The following PTPRD variants were observed in gnomAD, a reference collection of about 807,000 sequenced individuals.
PTPRD encodes the protein protein tyrosine phosphatase receptor type D.
Under a neutral mutation model 214.5 loss-of-function variants are expected in PTPRD, and 34 were observed. The observed-to-expected ratio is 0.16, with a 90% CI of 0.12 to 0.21. The LOEUF is 0.21. Ranked by LOEUF, PTPRD falls within the 10% of genes least tolerant of loss-of-function variation. PTPRD has a pLI of 1.00. For synonymous variants in PTPRD, 1,128 were observed against 845.7 expected (o/e 1.33, Z -5.79); for missense variants, 2,545 against 2,398.7 (o/e 1.06, Z -1.27).
At chr9:9,041,223 T>C (rs890645840) in intron 10 of PTPRD, among the ~76,000 whole-genome samples, 1 of 152,176 alleles carries the variant, frequency 6.6e-6, no homozygotes, top group African/African-American at 2.4e-5. Flanking sequence ...TCTTTAACTT[T>C]TATTTTAAGC....
At chr9:8,757,641 T>C (rs529358161) in intron 11 of PTPRD, among the ~76,000 whole-genome samples, 343 of 141,872 alleles carry the variant, frequency 2.4e-3, no homozygotes, top group African/African-American at 7.2e-3. Context: ...TATATATATA[T>C]ACATACATAT....
At chr9:8,683,707 C>G (rs2154374773) in intron 12 of PTPRD, among the ~76,000 whole-genome samples, 1 of 152,304 alleles carries the variant, frequency 6.6e-6, no homozygotes, top group East Asian at 1.9e-4. Flanking sequence ...AGGGTTGTGA[C>G]AGCACTGGCC....
rs1176159031 is a variant in PTPRD at position 9,467,588 on chromosome 9, C to CAAAAAAAAAAAAAAAAAAAAAAAAA, written c.-236-70107_-236-70106insTTTTTTTTTTTTTTTTTTTTTTTTT. Among the ~76,000 whole-genome samples the CAAAAAAAAAAAAAAAAAAAAAAAAA allele has an allele frequency of 3.0e-4, 17 of 55,954 alleles. 2 individuals carry two copies. Among genetic ancestry groups the CAAAAAAAAAAAAAAAAAAAAAAAAA allele is most frequent in the Middle Eastern group, 0.019 (1 of 52 alleles). 36.7% of individuals were successfully genotyped at this position (55,954 alleles called of 152,430 possible). A position where few individuals can be genotyped will look rare whatever the true frequency, so the allele number is the denominator to read the frequency against. ...GGCGACAGAGCGGGACTCCATCTCC[C>CAAAAAAAAAAAAAAAAAAAAAAAAA]AAAAAAAAAAAAAAAAAAAAAAGTT... is the stretch of plus-strand genomic sequence containing the variant. On this transcript the variant is annotated intron_variant, in intron 8 of 45. Coordinates refer to ENST00000381196, the MANE Select transcript of PTPRD (RefSeq NM_002839.4).
intron 3 of PTPRD, among the ~76,000 whole-genome samples, chr9:10,096,916 A>G (rs1028585790): frequency 2.6e-5 from 4 of 151,892 alleles, no homozygotes; most frequent in African/African-American, 9.7e-5. Flanking sequence ...TAATTTTTTT[A>G]AGATGTAAGG....
chr9:9,012,507 G>A (rs1354128146), intron 11 of PTPRD, among the ~76,000 whole-genome samples: 3 of 152,090 alleles, frequency 2.0e-5, no homozygotes, highest in African/African-American at 7.2e-5. Flanking sequence ...AGGGAGTTAT[G>A]TAGGCAAATT....
chr9:9,679,311 A>G (rs964077150), intron 7 of PTPRD, among the ~76,000 whole-genome samples: 1 of 151,808 alleles, frequency 6.6e-6, no homozygotes, highest in Non-Finnish European at 1.5e-5. Context: ...ATTGATCTAG[A>G]AATGTCTTAA....
At chr9:8,480,816 A>T (rs2096865873) in intron 30 of PTPRD, among the ~76,000 whole-genome samples, 1 of 152,142 alleles carries the variant, frequency 6.6e-6, no homozygotes, top group Non-Finnish European at 1.5e-5. Flanking sequence ...AAATTACACA[A>T]ATACTCCATT....
chr9:8,370,229 CACACACACAT>C (rs1301496285), intron 39 of PTPRD, among the ~76,000 whole-genome samples: 25 of 34,896 alleles, frequency 7.2e-4, no homozygotes, highest in Non-Finnish European at 8.4e-4. Flanking sequence ...CACACACACA[CACACACACAT>C]ATATATATAT....
chr9:8,876,061 T>G (rs1346325982), intron 11 of PTPRD, among the ~76,000 whole-genome samples: 1 of 152,220 alleles, frequency 6.6e-6, no homozygotes, highest in Non-Finnish European at 1.5e-5. Context: ...CCTTATCATA[T>G]CCTAACTGAT....
chr9:10,223,531 A>T (rs2099578365), intron 3 of PTPRD, among the ~76,000 whole-genome samples: 1 of 151,714 alleles, frequency 6.6e-6, no homozygotes, highest in Admixed American at 6.6e-5. Flanking sequence ...GGGTGTGGTG[A>T]TGTGGGCCTG....
chr9:10,016,077 T>A (rs775249878), intron 4 of PTPRD, among the ~76,000 whole-genome samples: 1 of 152,166 alleles, frequency 6.6e-6, no homozygotes, highest in East Asian at 1.9e-4. Context: ...CCTGGAAATA[T>A]ACTGGCTATC....
chr9:10,009,813 T>C (rs1041302711), intron 4 of PTPRD, among the ~76,000 whole-genome samples: 1 of 151,930 alleles, frequency 6.6e-6, no homozygotes, highest in Non-Finnish European at 1.5e-5. Context: ...CCTGTAAAGC[T>C]CTCGTGTAAC....
chr9:8,532,423 C>T (rs1170852653), intron 14 of PTPRD, among the ~76,000 whole-genome samples: 1 of 151,990 alleles, frequency 6.6e-6, no homozygotes, highest in Non-Finnish European at 1.5e-5. Flanking sequence ...ATTTTGACGG[C>T]TCCTCAAATG....
At chr9:10,019,400 C>A (rs572476761) in intron 4 of PTPRD, among the ~76,000 whole-genome samples, 2 of 152,166 alleles carry the variant, frequency 1.3e-5, no homozygotes, top group Admixed American at 1.3e-4. Flanking sequence ...CTAGAAATAC[C>A]ATTTGACCCA....
intron 2 of PTPRD, among the ~76,000 whole-genome samples, chr9:10,529,664 G>A (rs968490865): frequency 1.5e-4 from 23 of 150,818 alleles, no homozygotes; most frequent in Non-Finnish European, 2.4e-4. Flanking sequence ...ACATATATAC[G>A]TATGTAACAA....
intron 4 of PTPRD, among the ~76,000 whole-genome samples, chr9:10,031,974 T>A (rs2097089468): frequency 6.6e-6 from 1 of 152,050 alleles, no homozygotes; most frequent in African/African-American, 2.4e-5. Context: ...GCTTTCATAT[T>A]AAAGATTTAA....
At chr9:8,590,840 A>G (rs961983551) in intron 14 of PTPRD, among the ~76,000 whole-genome samples, 3 of 152,106 alleles carry the variant, frequency 2.0e-5, no homozygotes, top group Admixed American at 6.5e-5. Context: ...GCTGTCACAA[A>G]CTCGATGGCT....
intron 3 of PTPRD, among the ~76,000 whole-genome samples, chr9:10,154,393 C>A (rs187906498): frequency 1.3e-5 from 2 of 152,146 alleles, no homozygotes; most frequent in East Asian, 1.9e-4. Context: ...ACAATTTGAA[C>A]AAAAATTCTG....
intron 8 of PTPRD, among the ~76,000 whole-genome samples, chr9:9,479,632 C>A (rs1303135535): frequency 6.6e-6 from 1 of 152,096 alleles, no homozygotes; most frequent in Non-Finnish European, 1.5e-5. Flanking sequence ...AGATACCATT[C>A]TTCCAAATAA....
Sources: gnomAD v4.1 joint callset for allele counts (sites outside exome capture counted in the v4.1 genomes callset) on GRCh38, gnomAD v4.1.1 for gene constraint, MANE v1.5 for transcripts, NCBI Gene and HGNC (gene_info 2026-07-23, HGNC 2026-07-21) for gene names.